Variants in DOCK9 observed in about 807,000 individuals in gnomAD.
DOCK9 encodes the protein dedicator of cytokinesis protein 9.
Under a neutral mutation model 263.3 loss-of-function variants are expected in DOCK9, and 89 were observed. The ratio of observed to expected loss-of-function variants is 0.34; its 90% CI spans 0.28 to 0.40. DOCK9 has a LOEUF of 0.40. DOCK9 is among the 10% of genes least tolerant of loss of function. The pLI is 1.00. For synonymous variants in DOCK9, 976 were observed against 973.1 expected (o/e 1.00, Z -0.06); for missense variants, 2,140 against 2,603.4 (o/e 0.82, Z 3.87).
intron 1 of DOCK9, among the ~76,000 whole-genome samples, chr13:98,964,232 C>T (rs1000364703): frequency 6.6e-6 from 1 of 152,208 alleles, no homozygotes; most frequent in Non-Finnish European, 1.5e-5. Context: ...GGAACCCAAC[C>T]TTTGCCCAGC....
At chr13:98,948,269 G>C (rs1416838315) in intron 2 of DOCK9, among the ~76,000 whole-genome samples, 1 of 152,176 alleles carries the variant, frequency 6.6e-6, no homozygotes, top group Non-Finnish European at 1.5e-5. Flanking sequence ...GAACACTCTA[G>C]GATTCTCCTG....
chr13:99,086,706 CGCGGGCGGGGCGGG>C (rs2042354296), upstream of DOCK9: 1 of 146,674 alleles, frequency 6.8e-6, no homozygotes, highest in Non-Finnish European at 1.5e-5. Context: ...TCCGGCGCGG[CGCGGGCGGGGCGGG>C]GCGCCCGGAC....
chr13:98,931,751 C>A (rs1340528321), intron 2 of DOCK9, among the ~76,000 whole-genome samples: 1 of 152,216 alleles, frequency 6.6e-6, no homozygotes, highest in South Asian at 2.1e-4. Context: ...GCGGGCGCCA[C>A]CACACCCGCC....
chr13:98,878,497 A>ATT (rs551459818), intron 27 of DOCK9, among the ~76,000 whole-genome samples: 30 of 151,334 alleles, frequency 2.0e-4, no homozygotes, highest in African/African-American at 7.0e-4. Flanking sequence ...GTAAGACAAC[A>ATT]TTTTTTTTTA....
rs183230893 is a variant in DOCK9, at chr13:98,827,010, A to G, written c.4966-123T>C. ...ATTAGATCTCAATGCACCAGCTAGT[A>G]TTTCTAATAGCTGATATCTTACCTT... On this transcript the variant is annotated intron_variant, in intron 43 of 52. Transcript: ENST00000682017. The G allele has an allele frequency of 6.9e-4, 437 of 634,150 alleles. 1 individual carries two copies. Among genetic ancestry groups the G allele is most frequent in the Middle Eastern group, 5.2e-4 (2 of 3,838 alleles). 39.3% of individuals were successfully genotyped at this position (634,150 alleles called of 1,614,324 possible). A position where few individuals can be genotyped will look rare whatever the true frequency, so the allele number is the denominator to read the frequency against.
At chr13:98,913,740 A>T (rs189212652) in intron 9 of DOCK9, among the ~76,000 whole-genome samples, 2 of 152,340 alleles carry the variant, frequency 1.3e-5, no homozygotes, top group Admixed American at 1.3e-4. Flanking sequence ...AGAATATGGA[A>T]GCTAAAAAGG....
chr13:99,016,394 G>T (rs1885416159), intron 1 of DOCK9, among the ~76,000 whole-genome samples: 1 of 152,202 alleles, frequency 6.6e-6, no homozygotes, highest in South Asian at 2.1e-4. Context: ...GGGCTAGCAA[G>T]ATTGCACTGC....
chr13:98,848,962 G>A (rs1255138944), intron 36 of DOCK9, among the ~76,000 whole-genome samples: 1 of 152,140 alleles, frequency 6.6e-6, no homozygotes, highest in African/African-American at 2.4e-5. Flanking sequence ...ACGGCAGTGT[G>A]CCCGAGAAAA....
intron 45 of DOCK9, among the ~76,000 whole-genome samples, chr13:98,815,182 C>G (rs558614624): frequency 4.6e-5 from 7 of 152,014 alleles, no homozygotes; most frequent in Non-Finnish European, 7.4e-5. Flanking sequence ...TTTACCAAAG[C>G]CTTGCATTTC....
intron 1 of DOCK9, among the ~76,000 whole-genome samples, chr13:98,956,947 GT>G (rs891434554): frequency 1.3e-5 from 2 of 152,142 alleles, no homozygotes; most frequent in Admixed American, 1.3e-4. Flanking sequence ...CTTGCTATTT[GT>G]TTCCAAAACC....
chr13:98,808,743 G>T, intron 47 of DOCK9: 2 of 977,312 alleles, frequency 2.0e-6, no homozygotes, highest in Non-Finnish European at 3.2e-6. Flanking sequence ...AAAACCACAC[G>T]CCCTAAATAT....
chr13:98,816,096 G>A (rs965756255), intron 45 of DOCK9, among the ~76,000 whole-genome samples: 1 of 152,152 alleles, frequency 6.6e-6, no homozygotes, highest in Non-Finnish European at 1.5e-5. Flanking sequence ...CTACATGCAA[G>A]GCACAGCGCT....
At chr13:98,846,407 T>C (rs2093392787) in intron 37 of DOCK9, 4 of 871,130 alleles carry the variant, frequency 4.6e-6, no homozygotes, top group African/African-American at 3.5e-5. Flanking sequence ...ATTATATATG[T>C]TCTGAAAAAG....
intron 2 of DOCK9, among the ~76,000 whole-genome samples, chr13:98,947,736 C>T (rs1355989146): frequency 6.6e-6 from 1 of 152,156 alleles, no homozygotes; most frequent in Non-Finnish European, 1.5e-5. Flanking sequence ...AAACTCCTGA[C>T]CTCAGGTAAT....
At chr13:98,961,142 C>G (rs1486880584) in intron 1 of DOCK9, among the ~76,000 whole-genome samples, 2 of 152,192 alleles carry the variant, frequency 1.3e-5, no homozygotes, top group African/African-American at 4.8e-5. Context: ...CCATTGCCCT[C>G]CATGGGCTGT....
At chr13:98,830,440 C>A (rs2092713559) in intron 41 of DOCK9, among the ~76,000 whole-genome samples, 1 of 150,286 alleles carries the variant, frequency 6.7e-6, no homozygotes, top group Non-Finnish European at 1.5e-5. Flanking sequence ...CTTGACCCAT[C>A]ATCAACACAG....
intron 52 of DOCK9, among the ~76,000 whole-genome samples, chr13:98,795,301 T>C (rs2089233121): frequency 6.6e-6 from 1 of 152,202 alleles, no homozygotes; most frequent in South Asian, 2.1e-4. Flanking sequence ...CTTACGGATT[T>C]TGTCTTGGGA....
chr13:99,019,271 T>A (rs531117023), intron 1 of DOCK9, among the ~76,000 whole-genome samples: 54 of 152,306 alleles, frequency 3.5e-4, no homozygotes, highest in Admixed American at 2.3e-3. Flanking sequence ...AGGTTTCTTT[T>A]TAGGGTAATG....
At position 98,825,935 on chromosome 13, in the gene DOCK9, CTG is replaced by C. The variant is rs2092515589; in HGVS notation, c.5023+893_5023+894del. On this transcript the variant is annotated intron_variant, in intron 44 of 52. Transcript: ENST00000682017. The surrounding 1 kb of genome is among the most constrained non-coding windows in gnomAD (Gnocchi z 4.1). The stretch of plus-strand genomic sequence containing the variant: ...GGGAGAAGGGGCGGCTCCCACTGGA[CTG>C]CTTCTAAACATGAGGAAATGCATCA... The C allele has an allele frequency of 1.9e-6, 3 of 1,549,626 alleles. No homozygotes were observed. In the East Asian group the frequency reaches 7.4e-5, roughly 38 times the overall value.
Sources: gnomAD v4.1 joint callset for allele counts (sites outside exome capture counted in the v4.1 genomes callset) on GRCh38, gnomAD v4.1.1 for gene constraint, Gnocchi (gnomAD v3.1) non-coding constraint, MANE v1.5 for transcripts, NCBI Gene and HGNC (gene_info 2026-07-23, HGNC 2026-07-21) for gene names.